The following NOS1AP variants were observed in gnomAD, a reference collection of about 807,000 sequenced individuals.
NOS1AP encodes carboxyl-terminal PDZ ligand of neuronal nitric oxide synthase protein.
In NOS1AP, 21 loss-of-function variants were observed where a neutral mutation model predicts 56.2. The ratio of observed to expected loss-of-function variants is 0.37; its 90% CI spans 0.26 to 0.54. The LOEUF (loss-of-function observed/expected upper bound fraction) is 0.54, where lower values mean the gene tolerates loss of function less well. Among genes scored for constraint, NOS1AP ranks in the 20% least tolerant of loss-of-function variants. The pLI is 0.84. For synonymous variants in NOS1AP, 270 were observed against 274.6 expected, an observed-to-expected ratio of 0.98 and a Z score of 0.17; for missense variants, 522 against 657.8, an observed-to-expected ratio of 0.79 and a Z score of 2.26.
chr1:162,109,897 A>T (rs1050893936), intron 1 of NOS1AP, among the ~76,000 whole-genome samples: 2 of 152,192 alleles, frequency 1.3e-5, no homozygotes, highest in African/African-American at 2.4e-5. Context: ...TTCTTAATCT[A>T]GATTATGATT....
At chr1:162,303,516 A>G (rs1258855283) in intron 4 of NOS1AP, among the ~76,000 whole-genome samples, 1 of 152,156 alleles carries the variant, frequency 6.6e-6, no homozygotes, top group Non-Finnish European at 1.5e-5. Context: ...ATCACGGCTC[A>G]CTGCAGCCTC....
chr1:162,231,344 G>A (rs1160070347), intron 2 of NOS1AP, among the ~76,000 whole-genome samples: 1 of 152,216 alleles, frequency 6.6e-6, no homozygotes, highest in African/African-American at 2.4e-5. Context: ...TTTGGCTTTT[G>A]TGTTGTTGAG....
chr1:162,174,237 T>G (rs1194770965), intron 2 of NOS1AP, among the ~76,000 whole-genome samples: 1 of 152,042 alleles, frequency 6.6e-6, no homozygotes, highest in Non-Finnish European at 1.5e-5. Context: ...CCATAAAAAA[T>G]GATGAGTTCA....
chr1:162,221,622 T>G (rs6683968), intron 2 of NOS1AP, among the ~76,000 whole-genome samples: 81,200 of 151,256 alleles, frequency 0.54, 22,868 homozygotes, highest in Non-Finnish European at 0.64. Context: ...TATAACTCAC[T>G]AGCTTTTTTA....
At position 162,077,485 on chromosome 1, in the gene NOS1AP, T is replaced by A. The variant is rs557116386; in HGVS notation, c.105+7203T>A. ...ACTATTGAGTTGTAAGAGTTCTTTATATATTCTGGATTCAAATCCCTTATA... is the reference window on the plus strand; with the variant it reads ...ACTATTGAGTTGTAAGAGTTCTTTAAATATTCTGGATTCAAATCCCTTATA... On this transcript the variant is annotated intron_variant, in intron 1 of 9. Transcript: ENST00000361897. Among the ~76,000 whole-genome samples the A allele has an allele frequency of 9.2e-5, 14 of 152,368 alleles. No individual in the cohort carries two copies. In the East Asian group the frequency reaches 2.5e-3, roughly 27 times the overall value.
chr1:162,307,736 G>A (rs1655885655), intron 4 of NOS1AP, among the ~76,000 whole-genome samples: 1 of 151,990 alleles, frequency 6.6e-6, no homozygotes, highest in Admixed American at 6.6e-5. Context: ...GCGTGAACCT[G>A]GGAGGCAGAG....
chr1:162,226,724 C>T (rs1250326661), intron 2 of NOS1AP, among the ~76,000 whole-genome samples: 1 of 152,156 alleles, frequency 6.6e-6, no homozygotes, highest in African/African-American at 2.4e-5. Flanking sequence ...ACTCACTTTC[C>T]CTCCTTAGGC....
chr1:162,212,543 C>T (rs141391797), intron 2 of NOS1AP, among the ~76,000 whole-genome samples: 11 of 152,268 alleles, frequency 7.2e-5, no homozygotes, highest in African/African-American at 2.4e-4. Context: ...CCCGCCACCC[C>T]GCTGCCCACC....
At position 162,257,888 on chromosome 1, in the gene NOS1AP, C is replaced by T. The variant is rs574419248; in HGVS notation, c.178-29456C>T. ...TCAGATTTTCTCTACTGGCTCTAGA[C>T]GCATCTCTTTTCTATCCATATTTCA... On this transcript the variant is annotated intron_variant, in intron 2 of 9. Coordinates refer to ENST00000361897, the MANE Select transcript of NOS1AP (RefSeq NM_014697.3). Among the ~76,000 whole-genome samples, 274 of 152,212 alleles carry T rather than the reference C, an allele frequency of 1.8e-3. 2 individuals are homozygous for T. Among genetic ancestry groups the T allele is most frequent in the South Asian group, 0.014 (69 of 4,826 alleles).
chr1:162,148,682 G>A lies in NOS1AP; in HGVS notation c.106-5723G>A, dbSNP rs1649583660. Among the ~76,000 whole-genome samples the A allele has an allele frequency of 3.9e-5, 6 of 152,360 alleles. No individual in the cohort carries two copies. The South Asian group carries it at 1.2e-3, about 32-fold the overall frequency. On this transcript the variant is annotated intron_variant, in intron 1 of 9. Coordinates refer to ENST00000361897, the MANE Select transcript of NOS1AP (RefSeq NM_014697.3). Reference sequence around the variant, plus strand: ...GATTGCCATCTTTGAGCAAATGGAAGCAAGTGTGGGAGGTTCTTAAAGAAG... The same window carrying A: ...GATTGCCATCTTTGAGCAAATGGAAACAAGTGTGGGAGGTTCTTAAAGAAG...
At chr1:162,336,001 T>A (rs1656928990) in intron 5 of NOS1AP, among the ~76,000 whole-genome samples, 3 of 152,188 alleles carry the variant, frequency 2.0e-5, no homozygotes. Context: ...CCTTGGGAGT[T>A]GTATCCTTGA....
intron 2 of NOS1AP, among the ~76,000 whole-genome samples, chr1:162,266,544 C>G (rs1430009227): frequency 1.3e-5 from 2 of 152,200 alleles, no homozygotes; most frequent in African/African-American, 4.8e-5. Flanking sequence ...TAGCTGGTCT[C>G]TACCACCAAT....
rs578251259 is a variant in NOS1AP at position 162,186,926 on chromosome 1, A to G, written c.177+32450A>G. 2.0e-5 allele frequency among the ~76,000 whole-genome samples: 3 copies of G among 152,264 alleles called. No homozygotes were observed. The South Asian group carries it at 6.2e-4, about 32-fold the overall frequency. On this transcript the variant is annotated intron_variant, in intron 2 of 9. Coordinates refer to ENST00000361897, the MANE Select transcript of NOS1AP (RefSeq NM_014697.3). ...TTAACAAAAATGAAATGTTATGCAT[A>G]AAGGTTTTTTTGTTGTTGGTTTTGT...
chr1:162,108,086 G>A (rs981961871), intron 1 of NOS1AP, among the ~76,000 whole-genome samples: 7 of 152,068 alleles, frequency 4.6e-5, no homozygotes, highest in Non-Finnish European at 1.0e-4. Flanking sequence ...AACTATGGCC[G>A]GCCCAGTAAC....
At chr1:162,361,277 CA>C (rs35812318) in intron 8 of NOS1AP, among the ~76,000 whole-genome samples, 52,338 of 150,224 alleles carry the variant, frequency 0.35, 10,073 homozygotes, top group African/African-American at 0.53. Flanking sequence ...ATGCTAAATA[CA>C]AAAAAAAAAT....
In NOS1AP at chr1:162,287,499, CCTT is replaced by C. The variant is rs563298173; in HGVS notation, c.270+72_270+74del. On this transcript the variant is annotated intron_variant, in intron 3 of 9. Transcript: ENST00000361897. Reference sequence around the variant, plus strand: ...AAGCAGGGGAGGTAGGCATGGGGTACCTTCTTCTTCTGGGCCCACCTCCAGAGA... The same window carrying C: ...AAGCAGGGGAGGTAGGCATGGGGTACCTTCTTCTGGGCCCACCTCCAGAGA... 5.4e-4 allele frequency: 582 copies of C among 1,070,430 alleles called. 8 individuals are homozygous for C. Among genetic ancestry groups the C allele is most frequent in the South Asian group, 5.2e-3 (420 of 80,080 alleles). 66.3% of individuals were successfully genotyped at this position (1,070,430 alleles called of 1,614,324 possible).
chr1:162,091,958 G>C (rs1220713929), intron 1 of NOS1AP, among the ~76,000 whole-genome samples: 1 of 152,184 alleles, frequency 6.6e-6, no homozygotes, highest in Non-Finnish European at 1.5e-5. Context: ...CGGAGTGCTG[G>C]AGTTGGAAGG....
At chr1:162,308,150 A>G (rs190576195) in intron 4 of NOS1AP, among the ~76,000 whole-genome samples, 1 of 152,258 alleles carries the variant, frequency 6.6e-6, no homozygotes, top group Admixed American at 6.5e-5. Context: ...AAGTAGACCC[A>G]TTCCCAAGAT....
At position 162,275,567 on chromosome 1, in the gene NOS1AP, C is replaced by T. The variant is rs562251439; in HGVS notation, c.178-11777C>T. The stretch of plus-strand genomic sequence containing the variant: ...TGGTCACATCTCACTCTCAGTAGTT[C>T]ATTCTCTTTCCCTGTCAAGTTTGAC... On this transcript the variant is annotated intron_variant, in intron 2 of 9. Transcript: ENST00000361897. Among the ~76,000 whole-genome samples, 3 of 152,288 alleles carry T rather than the reference C, an allele frequency of 2.0e-5. No homozygotes were observed. The East Asian group carries it at 5.8e-4, about 29-fold the overall frequency.
Sources: gnomAD v4.1 joint callset for allele counts (sites outside exome capture counted in the v4.1 genomes callset) on GRCh38, gnomAD v4.1.1 for gene constraint, MANE v1.5 for transcripts, NCBI Gene and HGNC (gene_info 2026-07-23, HGNC 2026-07-21) for gene names.